The following CFAP77 variants were observed in gnomAD, a reference collection of about 807,000 sequenced individuals.
CFAP77 encodes cilia and flagella associated protein 77.
Under a neutral mutation model 31.1 loss-of-function variants are expected in CFAP77, and 25 were observed. That is an observed-to-expected ratio of 0.80 (90% CI 0.59 to 1.12). The LOEUF (loss-of-function observed/expected upper bound fraction) is 1.12, where lower values mean the gene tolerates loss of function less well. Among genes scored for constraint, CFAP77 ranks in the 50% most tolerant of loss-of-function variants. The pLI, the probability that CFAP77 is intolerant of heterozygous loss-of-function variation, is 0.00. For synonymous variants in CFAP77, 151 were observed against 159.9 expected (o/e 0.94, Z 0.42); for missense variants, 377 against 397.3 (o/e 0.95, Z 0.44).
At chr9:132,523,511 A>C (rs970366981) in intron 3 of CFAP77, among the ~76,000 whole-genome samples, 7 of 152,304 alleles carry the variant, frequency 4.6e-5, no homozygotes, top group African/African-American at 1.7e-4. Flanking sequence ...TTACACACAC[A>C]GCCACTTCAT....
At chr9:132,428,770 C>T (rs1027623246) in intron 1 of CFAP77, among the ~76,000 whole-genome samples, 10 of 151,940 alleles carry the variant, frequency 6.6e-5, no homozygotes, top group Admixed American at 4.6e-4. Context: ...AGGGAACACA[C>T]CCAGGTCCCA....
At chr9:132,507,199 A>G (rs2118984096) in intron 3 of CFAP77, among the ~76,000 whole-genome samples, 1 of 152,346 alleles carries the variant, frequency 6.6e-6, no homozygotes, top group Admixed American at 6.5e-5. Context: ...TGGATGCTCC[A>G]GGCCTGCTTT....
intron 1 of CFAP77, among the ~76,000 whole-genome samples, chr9:132,439,848 C>CA (rs1225152331): frequency 0.05 from 2,188 of 43,638 alleles, 108 homozygotes; most frequent in African/African-American, 0.13. Context: ...GACTCCGTCT[C>CA]AAAAAAAAAA....
rs376999041 is a variant in CFAP77 at position 132,566,590 on chromosome 9, G to GT, written c.733-5791dup. On this transcript the variant is annotated intron_variant, in intron 5 of 5. Transcript: ENST00000393216. ...GGAACTCCCCTCTCCACAGACAACTGTTTTTTTGGTTAGGGATTTGGAGAC... is the reference window on the plus strand; with the variant it reads ...GGAACTCCCCTCTCCACAGACAACTGTTTTTTTTGGTTAGGGATTTGGAGAC... Among the ~76,000 whole-genome samples the GT allele has an allele frequency of 1.4e-3, 218 of 152,222 alleles. 1 individual carries two copies. Among genetic ancestry groups the GT allele is most frequent in the African/African-American group, 4.7e-3 (197 of 41,534 alleles).
rs1346645107 is a variant in CFAP77 at position 132,499,786 on chromosome 9, C to T, written c.524+186C>T. ...GAATCCTGCTGAGCTGGGTCCTGGC[C>T]TTATAGCAGGGTACCCTGTAGGGCT... On this transcript the variant is annotated intron_variant, in intron 3 of 5. Transcript: ENST00000393216. This position sits in a 1 kb window ranked among gnomAD's most constrained non-coding sequence, Gnocchi z 5.4. Among the ~76,000 whole-genome samples the T allele has an allele frequency of 6.6e-6, 1 of 152,154 alleles. No individual in the cohort carries two copies. Among genetic ancestry groups the T allele is most frequent in the East Asian group, 1.9e-4 (1 of 5,198 alleles).
At position 132,498,449 on chromosome 9, in the gene CFAP77, C is replaced by T. The variant is rs552280558; in HGVS notation, c.196-246C>T. ...AATACACATGTACCGAGAGGCCCCCCGTCTCTGATGTCTTCACTTGCCTTC... is the reference window on the plus strand; with the variant it reads ...AATACACATGTACCGAGAGGCCCCCTGTCTCTGATGTCTTCACTTGCCTTC... On this transcript the variant is annotated intron_variant, in intron 1 of 5. Transcript: ENST00000393216. This position sits in a 1 kb window ranked among gnomAD's most constrained non-coding sequence, Gnocchi z 4.2. Among the ~76,000 whole-genome samples the T allele has an allele frequency of 1.7e-4, 26 of 152,246 alleles. No homozygotes were observed. The highest frequency in any genetic ancestry group is 4.8e-4 in the African/African-American group (20 of 41,540).
chr9:132,436,806 G>T (rs1850512253), intron 1 of CFAP77, among the ~76,000 whole-genome samples: 1 of 152,192 alleles, frequency 6.6e-6, no homozygotes, highest in Non-Finnish European at 1.5e-5. Context: ...GAGTGGGGTA[G>T]TGAGGAGGAG....
rs928764565 is a variant in CFAP77, at chr9:132,455,376, G to A, written c.196-43319G>A. Among the ~76,000 whole-genome samples the A allele has an allele frequency of 4.0e-5, 6 of 151,860 alleles. No homozygotes were observed. Among genetic ancestry groups the A allele is most frequent in the South Asian group, 2.1e-4 (1 of 4,812 alleles). ...ACAAAAATTAGCCAGGTGTGGTGGCGGGCACCTGATATCCCAGCTACTCGG... is the reference window on the plus strand; with the variant it reads ...ACAAAAATTAGCCAGGTGTGGTGGCAGGCACCTGATATCCCAGCTACTCGG... On this transcript the variant is annotated intron_variant, in intron 1 of 5. Coordinates refer to ENST00000393216, the MANE Select transcript of CFAP77 (RefSeq NM_001282957.2). This position sits in a 1 kb window ranked among gnomAD's most constrained non-coding sequence, Gnocchi z 4.1.
At chr9:132,463,732 A>C (rs1269980658) in intron 1 of CFAP77, among the ~76,000 whole-genome samples, 3 of 152,196 alleles carry the variant, frequency 2.0e-5, no homozygotes, top group South Asian at 2.1e-4. Flanking sequence ...ATTCAGCCCA[A>C]CCACCCAGGG....
chr9:132,428,666 C>T (rs948745129), intron 1 of CFAP77, among the ~76,000 whole-genome samples: 4 of 152,060 alleles, frequency 2.6e-5, no homozygotes, highest in Non-Finnish European at 4.4e-5. Context: ...AAACACACCT[C>T]GATTACCCTG....
chr9:132,531,635 G>GT (rs1491511635), intron 3 of CFAP77, among the ~76,000 whole-genome samples: 2 of 141,802 alleles, frequency 1.4e-5, no homozygotes, highest in Non-Finnish European at 3.1e-5. Flanking sequence ...TGGGGGGGGG[G>GT]GCATGGAAGG....
At chr9:132,520,600 G>A (rs753136399) in intron 3 of CFAP77, among the ~76,000 whole-genome samples, 3 of 152,234 alleles carry the variant, frequency 2.0e-5, no homozygotes, top group East Asian at 1.9e-4. Flanking sequence ...AGCTAGGATC[G>A]CACCACCGCA....
intron 1 of CFAP77, among the ~76,000 whole-genome samples, chr9:132,496,248 T>A (rs548952569): frequency 2.4e-4 from 37 of 152,322 alleles, no homozygotes; most frequent in South Asian, 6.2e-4. Context: ...CCTTTCCTTG[T>A]GGGGCACACA....
At chr9:132,503,730 G>T (rs1273280211) in intron 3 of CFAP77, among the ~76,000 whole-genome samples, 2 of 152,160 alleles carry the variant, frequency 1.3e-5, no homozygotes, top group African/African-American at 4.8e-5. Flanking sequence ...GCTTGGCCTG[G>T]ATTCTCAACC....
intron 3 of CFAP77, among the ~76,000 whole-genome samples, chr9:132,521,795 C>A (rs2119020280): frequency 1.6e-5 from 1 of 63,902 alleles, no homozygotes; most frequent in African/African-American, 7.3e-5. Context: ...GAGATGAAGT[C>A]TCACTCTGTC....
In CFAP77 at chr9:132,455,629, G is replaced by A. The variant is rs1272374906; in HGVS notation, c.196-43066G>A. Among the ~76,000 whole-genome samples the A allele has an allele frequency of 7.9e-5, 12 of 152,260 alleles. No individual in the cohort carries two copies. The East Asian group carries it at 1.7e-3, about 22-fold the overall frequency. On this transcript the variant is annotated intron_variant, in intron 1 of 5. Coordinates refer to ENST00000393216, the MANE Select transcript of CFAP77 (RefSeq NM_001282957.2). The surrounding 1 kb of genome is among the most constrained non-coding windows in gnomAD (Gnocchi z 4.1). The stretch of plus-strand genomic sequence containing the variant: ...GCCTGTGGTCCCAGCTACTCAGGAG[G>A]CTGAGGTGGGAGGATCGCTTGAGCC...
intron 5 of CFAP77, among the ~76,000 whole-genome samples, chr9:132,569,195 G>A (rs780067878): frequency 1.7e-4 from 26 of 152,244 alleles, no homozygotes; most frequent in Admixed American, 3.9e-4. Context: ...CTTGAGGCTA[G>A]GGGTTCCAGA....
intron 5 of CFAP77, among the ~76,000 whole-genome samples, chr9:132,556,883 C>A (rs944816): frequency 0.067 from 10,140 of 152,194 alleles, 1,112 homozygotes; most frequent in African/African-American, 0.23. Flanking sequence ...TTTCTTCCGC[C>A]TCCTCCACCG....
chr9:132,504,605 A>G (rs967005320), intron 3 of CFAP77, among the ~76,000 whole-genome samples: 1 of 152,244 alleles, frequency 6.6e-6, no homozygotes, highest in Non-Finnish European at 1.5e-5. Flanking sequence ...CTTTATCTTT[A>G]TCAACAGCAG....
Sources: allele counts gnomAD v4.1 joint callset (sites outside exome capture counted in the v4.1 genomes callset), GRCh38; gene constraint gnomAD v4.1.1; non-coding constraint Gnocchi (gnomAD v3.1); transcripts MANE v1.5; gene names NCBI Gene and HGNC (gene_info 2026-07-23, HGNC 2026-07-21).